CIAO2A: variants seen among roughly 807,000 people sequenced by gnomAD.
The protein encoded by CIAO2A is cytosolic iron-sulfur assembly component 2A.
Under a neutral mutation model 22.4 loss-of-function variants are expected in CIAO2A, and 17 were observed. The ratio of observed to expected loss-of-function variants is 0.76; its 90% CI spans 0.52 to 1.14. The LOEUF (loss-of-function observed/expected upper bound fraction) is 1.14, where lower values mean the gene tolerates loss of function less well. Ranked by LOEUF, CIAO2A falls within the 50% of genes most tolerant of loss-of-function variation. CIAO2A has a pLI of 0.00. For synonymous variants in CIAO2A, 74 were observed against 72.3 expected (o/e 1.02, Z -0.12); for missense variants, 192 against 191.4 (o/e 1.00, Z -0.02).
intron 4 of CIAO2A, among the ~76,000 whole-genome samples, chr15:64,073,604 GTTA>G (rs1448143259): frequency 6.6e-6 from 1 of 152,048 alleles, no homozygotes; most frequent in African/African-American, 2.4e-5. Flanking sequence ...TATTATCATT[GTTA>G]TTATTATTCT....
intron 2 of CIAO2A, among the ~76,000 whole-genome samples, chr15:64,086,116 A>G (rs2140113174): frequency 6.6e-6 from 1 of 151,728 alleles, no homozygotes; most frequent in African/African-American, 2.4e-5. Flanking sequence ...AATTTTAAAA[A>G]TGAATTTGCT....
At chr15:64,089,627 T>C (rs944801208) in intron 1 of CIAO2A, among the ~76,000 whole-genome samples, 1 of 152,120 alleles carries the variant, frequency 6.6e-6, no homozygotes, top group South Asian at 2.1e-4. Context: ...GACCATCAAG[T>C]GTCTTTTACA....
At chr15:64,086,751 T>A (rs575844778) in intron 2 of CIAO2A, among the ~76,000 whole-genome samples, 75 of 151,248 alleles carry the variant, frequency 5.0e-4, no homozygotes, top group African/African-American at 1.7e-3. Context: ...GTAGCCGGGA[T>A]TACAGGTGCG....
intron 2 of CIAO2A, among the ~76,000 whole-genome samples, chr15:64,085,837 T>C (rs997099265): frequency 2.1e-4 from 32 of 152,048 alleles, no homozygotes; most frequent in South Asian, 1.2e-3. Flanking sequence ...GCCTCCCACG[T>C]AGCTGGGATT....
chr15:64,086,145 A>C (rs1162033922), intron 2 of CIAO2A, among the ~76,000 whole-genome samples: 4 of 151,514 alleles, frequency 2.6e-5, no homozygotes, highest in Non-Finnish European at 5.9e-5. Context: ...GTGGTGGCTC[A>C]CACCTGTAAT....
At chr15:64,088,926 ATT>A in intron 1 of CIAO2A, 75 bp from the exon 2 acceptor site, 1 of 1,390,508 alleles carries the variant, frequency 7.2e-7, no homozygotes, top group Non-Finnish European at 9.8e-7. Context: ...GCCAGGCCTA[ATT>A]TAAGCACTGA....
chr15:64,090,815 A>T (rs1164972295), intron 1 of CIAO2A, among the ~76,000 whole-genome samples: 1 of 152,224 alleles, frequency 6.6e-6, no homozygotes, highest in Non-Finnish European at 1.5e-5. Context: ...AGCTAGAACA[A>T]TGACAAGGAT....
chr15:64,079,679 C>T (rs551424544), intron 3 of CIAO2A, among the ~76,000 whole-genome samples: 11 of 152,146 alleles, frequency 7.2e-5, no homozygotes, highest in Non-Finnish European at 1.5e-4. Flanking sequence ...AGAGACAAGG[C>T]CGAATCATTC....
intron 3 of CIAO2A, among the ~76,000 whole-genome samples, chr15:64,076,896 G>T (rs556179167): frequency 6.6e-6 from 1 of 151,620 alleles, no homozygotes; most frequent in African/African-American, 2.4e-5. Flanking sequence ...TGTAGAGACC[G>T]CGTATCGCCA....
chr15:64,086,117 T>A (rs1449222892), intron 2 of CIAO2A, among the ~76,000 whole-genome samples: 4 of 151,596 alleles, frequency 2.6e-5, no homozygotes, highest in Non-Finnish European at 2.9e-5. Context: ...ATTTTAAAAA[T>A]GAATTTGCTG....
intron 3 of CIAO2A, among the ~76,000 whole-genome samples, chr15:64,078,758 C>T (rs1372571612): frequency 6.6e-6 from 1 of 152,060 alleles, no homozygotes; most frequent in African/African-American, 2.4e-5. Flanking sequence ...GAAAGAGCCA[C>T]GGGGCTGGGT....
chr15:64,089,511 CAAA>C (rs35882853), intron 1 of CIAO2A, among the ~76,000 whole-genome samples: 6 of 119,508 alleles, frequency 5.0e-5, no homozygotes, highest in Admixed American at 8.3e-5. Flanking sequence ...GACCCTGTCT[CAAA>C]AAAAAAAAAA....
At chr15:64,093,279 G>C (rs1256042120) in intron 1 of CIAO2A, among the ~76,000 whole-genome samples, 1 of 152,178 alleles carries the variant, frequency 6.6e-6, no homozygotes, top group East Asian at 1.9e-4. Flanking sequence ...GGCTCTAGTA[G>C]TGCAATCAGG....
At chr15:64,092,346 T>C (rs934068316) in intron 1 of CIAO2A, among the ~76,000 whole-genome samples, 1 of 152,172 alleles carries the variant, frequency 6.6e-6, no homozygotes, top group African/African-American at 2.4e-5. Flanking sequence ...CATATCTAGA[T>C]CCTAATTATT....
intron 2 of CIAO2A, among the ~76,000 whole-genome samples, chr15:64,085,983 C>T (rs1486418578): frequency 6.6e-6 from 1 of 151,744 alleles, no homozygotes; most frequent in South Asian, 2.1e-4. Flanking sequence ...GCTGGGATTA[C>T]AAGAGTGAGC....
chr15:64,089,498 C>T (rs940135888), intron 1 of CIAO2A, among the ~76,000 whole-genome samples: 29 of 141,588 alleles, frequency 2.0e-4, no homozygotes, highest in African/African-American at 5.6e-4. Flanking sequence ...GGCAACAAAG[C>T]GAGACCCTGT....
chr15:64,089,634 T>C (rs2080824198), intron 1 of CIAO2A, among the ~76,000 whole-genome samples: 1 of 152,202 alleles, frequency 6.6e-6, no homozygotes, highest in South Asian at 2.1e-4. Context: ...AAGTGTCTTT[T>C]ACAGCCAGCT....
At chr15:64,088,301 ACTGGCC>A (rs2080813430) in intron 2 of CIAO2A, among the ~76,000 whole-genome samples, 1 of 152,180 alleles carries the variant, frequency 6.6e-6, no homozygotes, top group African/African-American at 2.4e-5. Context: ...GAGGAAAAGC[ACTGGCC>A]CACATGCACT....
intron 1 of CIAO2A, 92 bp downstream of exon 1, chr15:64,093,553 T>C: frequency 7.2e-7 from 1 of 1,382,936 alleles, no homozygotes. Flanking sequence ...AGGTCTCCCC[T>C]CCCAGCCCTC....
Sources: gnomAD v4.1 joint callset for allele counts (sites outside exome capture counted in the v4.1 genomes callset) on GRCh38, gnomAD v4.1.1 for gene constraint, MANE v1.5 for transcripts, NCBI Gene and HGNC (gene_info 2026-07-23, HGNC 2026-07-21) for gene names.